ATP2A2: variants seen among roughly 807,000 people sequenced by gnomAD.
The protein encoded by ATP2A2 is ATPase sarcoplasmic/endoplasmic reticulum Ca2+ transporting 2.
Under a neutral mutation model 109.3 loss-of-function variants are expected in ATP2A2, and 14 were observed. That is an observed-to-expected ratio of 0.13 (90% CI 0.08 to 0.20). ATP2A2 has a LOEUF of 0.20. Ranked by LOEUF, ATP2A2 falls within the 10% of genes least tolerant of loss-of-function variation. The pLI is 1.00. For missense variants in ATP2A2, 657 were observed against 1,321.6 expected, an observed-to-expected ratio of 0.50 and a Z score of 7.80; for synonymous variants, 506 against 490.9, an observed-to-expected ratio of 1.03 and a Z score of -0.41.
At chr12:110,333,625 A>G (rs1878552093) in intron 10 of ATP2A2, among the ~76,000 whole-genome samples, 1 of 152,230 alleles carries the variant, frequency 6.6e-6, no homozygotes, top group Non-Finnish European at 1.5e-5. Flanking sequence ...TCTCAAAGGT[A>G]AGCTAGTCCC....
Position 110,293,852 on chromosome 12 carries a change from G to GTA in ATP2A2, c.324+1729_324+1730insAT, listed in dbSNP as rs1243133325. ...TGTGTGTGTGTGTGTGTGTGTGTGT[G>GTA]TGTGTGTGTGTGTATATATTTTTTT... On this transcript the variant is annotated intron_variant, in intron 4 of 19. Transcript: ENST00000539276. 7.1e-4 allele frequency among the ~76,000 whole-genome samples: 87 copies of GTA among 122,884 alleles called. 1 individual carries two copies. The highest frequency in any genetic ancestry group is 2.9e-3 in the African/African-American group (83 of 28,760). 80.6% of individuals were successfully genotyped at this position (122,884 alleles called of 152,430 possible).
chr12:110,283,930 T>A (rs1872412181), intron 3 of ATP2A2, among the ~76,000 whole-genome samples: 1 of 152,220 alleles, frequency 6.6e-6, no homozygotes, highest in Non-Finnish European at 1.5e-5. Context: ...ATTAAATTTA[T>A]ACCCATCTTT....
intron 3 of ATP2A2, 60 bp downstream of exon 3, chr12:110,282,855 A>G (rs930898921): frequency 1.4e-6 from 2 of 1,388,672 alleles, no homozygotes; most frequent in African/African-American, 1.4e-5. Flanking sequence ...CCATAGATAA[A>G]TCAGAAAACA....
rs948252952 is a variant in ATP2A2 at position 110,333,333 on chromosome 12, G to A, written c.1287+50G>A. Reference sequence around the variant, plus strand: ...GAATGGCTGTTCCTAGTTCAAGGGTGGGGTGGGTGGAATGAAAGTCTAGCC... The same window carrying A: ...GAATGGCTGTTCCTAGTTCAAGGGTAGGGTGGGTGGAATGAAAGTCTAGCC... On this transcript the variant is annotated intron_variant, in intron 10 of 19. Coordinates refer to ENST00000539276, the MANE Select transcript of ATP2A2 (RefSeq NM_170665.4). The A allele has an allele frequency of 2.0e-6, 3 of 1,503,144 alleles. No individual in the cohort carries two copies. The African/African-American group carries it at 4.1e-5, about 21-fold the overall frequency. The allele number at this position is 1,503,144 out of a possible 1,614,324, so 93.1% of individuals were successfully genotyped here. A position where few individuals can be genotyped will look rare whatever the true frequency, so the allele number is the denominator to read the frequency against.
chr12:110,339,835 GTTAT>G lies in ATP2A2; in HGVS notation c.1761+117_1761+120del, dbSNP rs1368996995. The G allele has an allele frequency of 1.8e-5, 22 of 1,200,444 alleles. No individual in the cohort carries two copies. The highest frequency in any genetic ancestry group is 9.1e-5 in the African/African-American group (6 of 65,998). The allele number at this position is 1,200,444 out of a possible 1,614,324, so 74.4% of individuals were successfully genotyped here. ...TCACTTTTGCCAAGAAAGAGGTGTGGTTATTTGTTTTTCTGCCTGCCAGCTGTGT... is the reference window on the plus strand; with the variant it reads ...TCACTTTTGCCAAGAAAGAGGTGTGGTTGTTTTTCTGCCTGCCAGCTGTGT... On this transcript the variant is annotated intron_variant, in intron 13 of 19. Transcript: ENST00000539276. This position sits in a 1 kb window ranked among gnomAD's most constrained non-coding sequence, Gnocchi z 4.4.
rs566993303 is a variant in ATP2A2 at position 110,349,319 on chromosome 12, C to T, written c.*2849C>T. 1 of 985,266 alleles carries T rather than the reference C, an allele frequency of 1.0e-6. No individual in the cohort carries two copies. Among genetic ancestry groups the T allele is most frequent in the South Asian group, 4.7e-5 (1 of 21,292 alleles). The allele number at this position is 985,266 out of a possible 1,614,324, so 61.0% of individuals were successfully genotyped here. A position where few individuals can be genotyped will look rare whatever the true frequency, so the allele number is the denominator to read the frequency against. ...CCCAGCCCCGCAATGTGCCTGCTGT[C>T]AGGCAGCTCTTGCCTGAAACTTACT... is the stretch of plus-strand genomic sequence containing the variant. On this transcript the variant is annotated 3_prime_UTR_variant, in exon 20 of 20. Coordinates refer to ENST00000539276, the MANE Select transcript of ATP2A2 (RefSeq NM_170665.4).
In ATP2A2 at chr12:110,332,633, T is replaced by G. The variant is rs140075244; in HGVS notation, c.1132T>G (p.Ser378Ala). 6.2e-6 allele frequency: 10 copies of G among 1,613,674 alleles called. No individual in the cohort carries two copies. The highest frequency in any genetic ancestry group is 8.5e-6 in the Non-Finnish European group (10 of 1,179,676). ...ILDRVEGDTC[S>A]LNEFTITGST... ...GGACAGAGTGGAAGGTGATACTTGT[T>G]CCCTTAATGAGTTTACCATAACTGG... The change falls in exon 9 of 20, where the codon TCC (serine) becomes GCC (alanine). Residue 378 changes from serine (S) to alanine (A), a missense_variant. Ser to Ala is a moderately conservative substitution (Grantham distance 99). Coordinates refer to ENST00000539276, the MANE Select transcript of ATP2A2 (RefSeq NM_170665.4).
Position 110,346,870 on chromosome 12 carries a change from G to T in ATP2A2, c.*400G>T. The T allele has an allele frequency of 1.8e-6, 2 of 1,106,178 alleles. No individual in the cohort carries two copies. The highest frequency in any genetic ancestry group is 7.7e-5 in the East Asian group (1 of 12,924). 68.5% of individuals were successfully genotyped at this position (1,106,178 alleles called of 1,614,324 possible). On this transcript the variant is annotated 3_prime_UTR_variant, in exon 20 of 20. Transcript: ENST00000539276. ...TTTCTAAAACTAAATAGCATGTATT[G>T]TGTCTTTTGCATGATGATCCGGATT...
intron 5 of ATP2A2, among the ~76,000 whole-genome samples, chr12:110,314,728 A>AT (rs775330759): frequency 1.2e-4 from 18 of 152,224 alleles, no homozygotes; most frequent in Non-Finnish European, 2.4e-4. Context: ...TAGAAATAAT[A>AT]GTCTCAAAAT....
In ATP2A2 at chr12:110,347,221, A is replaced by G. The variant is rs1879962057; in HGVS notation, c.*751A>G. 1 of 1,199,050 alleles carries G rather than the reference A, an allele frequency of 8.3e-7. No individual in the cohort carries two copies. Among genetic ancestry groups the G allele is most frequent in the Non-Finnish European group, 1.1e-6 (1 of 947,424 alleles). The allele number at this position is 1,199,050 out of a possible 1,614,324, so 74.3% of individuals were successfully genotyped here. A position where few individuals can be genotyped will look rare whatever the true frequency, so the allele number is the denominator to read the frequency against. Reference sequence around the variant, plus strand: ...TTAAGGTTATTTATTTAAATGTCTAATGTATTTTATTGTAACAGACATTGT... The same window carrying G: ...TTAAGGTTATTTATTTAAATGTCTAGTGTATTTTATTGTAACAGACATTGT... On this transcript the variant is annotated 3_prime_UTR_variant, in exon 20 of 20. Coordinates refer to ENST00000539276, the MANE Select transcript of ATP2A2 (RefSeq NM_170665.4).
At chr12:110,344,100 A>G (rs938438194) in intron 16 of ATP2A2, among the ~76,000 whole-genome samples, 1 of 152,148 alleles carries the variant, frequency 6.6e-6, no homozygotes, top group African/African-American at 2.4e-5. Flanking sequence ...CATGCTGTGC[A>G]CACCTGCATG....
chr12:110,291,960 T>C (rs1320046512), intron 3 of ATP2A2, 60 bp from the exon 4 acceptor site: 13 of 1,493,624 alleles, frequency 8.7e-6, no homozygotes, highest in Non-Finnish European at 1.2e-5. Flanking sequence ...GCTAGCCACT[T>C]TTTAAAAAAG....
rs1290027643 is a variant in ATP2A2 at position 110,348,624 on chromosome 12, C to T, written c.*2154C>T. 1 of 985,352 alleles carries T rather than the reference C, an allele frequency of 1.0e-6. No individual in the cohort carries two copies. Among genetic ancestry groups the T allele is most frequent in the Non-Finnish European group, 1.2e-6 (1 of 829,960 alleles). 61.0% of individuals were successfully genotyped at this position (985,352 alleles called of 1,614,324 possible). ...GCTCATGCCTGTAAGTAAGTCTCAG[C>T]CCTTTGGAGGCCACAGCAGAAGGAT... On this transcript the variant is annotated 3_prime_UTR_variant, in exon 20 of 20. Coordinates refer to ENST00000539276, the MANE Select transcript of ATP2A2 (RefSeq NM_170665.4).
Position 110,348,918 on chromosome 12 carries a change from G to T in ATP2A2, c.*2448G>T. ...AAACTGACTTGAGTGCTGCACTATT[G>T]CTATTCCGTGCAAACAAAACTCAGC... On this transcript the variant is annotated 3_prime_UTR_variant, in exon 20 of 20. Coordinates refer to ENST00000539276, the MANE Select transcript of ATP2A2 (RefSeq NM_170665.4). 1.0e-6 allele frequency: 1 copy of T among 985,450 alleles called. No individual in the cohort carries two copies. Among genetic ancestry groups the T allele is most frequent in the Non-Finnish European group, 1.2e-6 (1 of 829,954 alleles). The allele number at this position is 985,450 out of a possible 1,614,324, so 61.0% of individuals were successfully genotyped here. A position where few individuals can be genotyped will look rare whatever the true frequency, so the allele number is the denominator to read the frequency against.
Position 110,345,015 on chromosome 12 carries a change from GTGAGGCCT to G in ATP2A2, c.2607+48_2607+55del, listed in dbSNP as rs1879709709. ...TTCTGTACCTTACATGAGAAGTGTT[GTGAGGCCT>G]TGACCTTTCTGTGGTTTCGGTATCT... On this transcript the variant is annotated intron_variant, in intron 17 of 19. Transcript: ENST00000539276. 8 of 1,594,448 alleles carry G rather than the reference GTGAGGCCT, an allele frequency of 5.0e-6. No homozygotes were observed. In the East Asian group the frequency reaches 1.8e-4, roughly 36 times the overall value.
chr12:110,345,890 G>T, intron 18 of ATP2A2, 111 bp from the exon 19 acceptor site: 2 of 1,070,310 alleles, frequency 1.9e-6, no homozygotes, highest in Non-Finnish European at 1.4e-6. Context: ...TCAGCGGATG[G>T]TGCCACATTA....
chr12:110,301,617 C>T (rs1281944897), intron 5 of ATP2A2, among the ~76,000 whole-genome samples: 1 of 152,232 alleles, frequency 6.6e-6, no homozygotes, highest in Non-Finnish European at 1.5e-5. Flanking sequence ...TAGGCTCTGG[C>T]TTCCTTTGTT....
chr12:110,338,213 C>T (rs1191855327), intron 11 of ATP2A2, among the ~76,000 whole-genome samples: 1 of 152,198 alleles, frequency 6.6e-6, no homozygotes, highest in African/African-American at 2.4e-5. Context: ...TTACTATAAT[C>T]AGTAGCCACT....
rs148774375 is a variant in ATP2A2 at position 110,282,390 on chromosome 12, A to C, written c.119-214A>C. 7.1e-3 allele frequency among the ~76,000 whole-genome samples: 1,076 copies of C among 152,286 alleles called. 8 individuals carry two copies. Among genetic ancestry groups the C allele is most frequent in the Non-Finnish European group, 0.012 (806 of 68,008 alleles). On this transcript the variant is annotated intron_variant, in intron 1 of 19. Coordinates refer to ENST00000539276, the MANE Select transcript of ATP2A2 (RefSeq NM_170665.4). Reference sequence around the variant, plus strand: ...CTTAGGGCTAGACCTCAGGCCATTGATTACAAAGAGTGCATGCTTCCTTGA... The same window carrying C: ...CTTAGGGCTAGACCTCAGGCCATTGCTTACAAAGAGTGCATGCTTCCTTGA...
Sources: gnomAD v4.1 joint callset for allele counts (sites outside exome capture counted in the v4.1 genomes callset) on GRCh38, gnomAD v4.1.1 for gene constraint, Gnocchi (gnomAD v3.1) non-coding constraint, MANE v1.5 for transcripts, NCBI Gene and HGNC (gene_info 2026-07-23, HGNC 2026-07-21) for gene names.